Variants in PCDH15 observed in about 807,000 individuals in gnomAD.
PCDH15 encodes protocadherin related 15, also known as protocadherin-15.
A neutral mutation model predicts 178.5 loss-of-function variants in PCDH15; 129 were observed. That is an observed-to-expected ratio of 0.72 (90% confidence interval 0.63 to 0.84). PCDH15 has a LOEUF of 0.84. Among genes scored for constraint, PCDH15 ranks in the 40% least tolerant of loss-of-function variants. The probability of loss-of-function intolerance (pLI) is 0.00; values close to 1 mark genes in which losing one functional copy is unlikely to be tolerated. For synonymous variants in PCDH15, 800 were observed against 732.0 expected, an observed-to-expected ratio of 1.09 and a Z score of -1.50; for missense variants, 2,230 against 2,099.9, an observed-to-expected ratio of 1.06 and a Z score of -1.21.
intron 1 of PCDH15, among the ~76,000 whole-genome samples, chr10:54,771,176 A>C (rs889473650): frequency 6.6e-6 from 1 of 152,070 alleles, no homozygotes; most frequent in African/African-American, 2.4e-5. Flanking sequence ...CTGCCAAAAT[A>C]CTGCTTTAAT....
At chr10:54,440,404 T>C (rs1220067468) in intron 3 of PCDH15, among the ~76,000 whole-genome samples, 1 of 151,970 alleles carries the variant, frequency 6.6e-6, no homozygotes, top group East Asian at 1.9e-4. Flanking sequence ...GCCAAGTAAA[T>C]GAAATGACAT....
intron 2 of PCDH15, among the ~76,000 whole-genome samples, chr10:55,350,262 TATATATACACACAC>T (rs1322211819): frequency 1.8e-4 from 12 of 66,274 alleles, no homozygotes; most frequent in African/African-American, 9.7e-4. Context: ...TATATATATA[TATATATACACACAC>T]ACACACACAC....
intron 2 of PCDH15, among the ~76,000 whole-genome samples, chr10:55,369,317 C>CT (rs955700615): frequency 3.9e-5 from 6 of 152,064 alleles, no homozygotes; most frequent in African/African-American, 1.4e-4. Flanking sequence ...AAGCACCTGG[C>CT]TCTCTAACTC....
intron 2 of PCDH15, among the ~76,000 whole-genome samples, chr10:54,603,475 T>C (rs2092625715): frequency 6.6e-6 from 1 of 151,876 alleles, no homozygotes; most frequent in Admixed American, 6.6e-5. Flanking sequence ...TTTTAGGTTG[T>C]TTATTTGAGA....
At chr10:55,468,866 T>C (rs1339796462) in intron 2 of PCDH15, among the ~76,000 whole-genome samples, 1 of 152,156 alleles carries the variant, frequency 6.6e-6, no homozygotes, top group Non-Finnish European at 1.5e-5. Context: ...ATAATACTTA[T>C]CTCTTATTTT....
chr10:54,023,769 A>T (rs763535872), intron 18 of PCDH15, among the ~76,000 whole-genome samples: 2 of 151,606 alleles, frequency 1.3e-5, no homozygotes, highest in African/African-American at 2.4e-5. Flanking sequence ...AATCCTCATG[A>T]TGTTGTTATG....
intron 21 of PCDH15, among the ~76,000 whole-genome samples, chr10:53,988,010 C>T (rs16937849): frequency 0.32 from 49,235 of 152,050 alleles, 9,869 homozygotes; most frequent in East Asian, 0.62. Flanking sequence ...TGAACCTCAA[C>T]TCAGGTAACT....
rs189262241 is a variant in PCDH15 at position 54,341,390 on chromosome 10, T to C, written c.594+4975A>G. On this transcript the variant is annotated intron_variant, in intron 6 of 37. Coordinates refer to ENST00000644397, the MANE Select transcript of PCDH15 (RefSeq NM_001384140.1). The stretch of plus-strand genomic sequence containing the variant: ...TTTGCTCTTTCTGCCTCCTGCTGCA[T>C]GTAAGATACACCATGCTTCTCCTTC... 2.0e-5 allele frequency among the ~76,000 whole-genome samples: 3 copies of C among 152,304 alleles called. No homozygotes were observed. The East Asian group carries it at 5.8e-4, about 29-fold the overall frequency.
chr10:55,501,255 A>C (rs2132139476), intron 2 of PCDH15, among the ~76,000 whole-genome samples: 1 of 151,856 alleles, frequency 6.6e-6, no homozygotes, highest in Non-Finnish European at 1.5e-5. Flanking sequence ...AAGGCTTTAA[A>C]GGGAGTGTAG....
chr10:54,819,221 A>G (rs576293359), intron 3 of PCDH15, among the ~76,000 whole-genome samples: 10 of 152,182 alleles, frequency 6.6e-5, no homozygotes, highest in Middle Eastern at 6.8e-3. Flanking sequence ...CATTTTAAAC[A>G]TTCATGGTAA....
chr10:54,607,825 G>A (rs1482665446), intron 2 of PCDH15: 1 of 524,398 alleles, frequency 1.9e-6, no homozygotes, highest in East Asian at 5.9e-5. Flanking sequence ...TGGTAAGGAA[G>A]AGATATGATG....
chr10:54,433,303 T>G (rs929393123), intron 3 of PCDH15, among the ~76,000 whole-genome samples: 9 of 152,160 alleles, frequency 5.9e-5, no homozygotes, highest in African/African-American at 1.9e-4. Flanking sequence ...AAAGCCAAGA[T>G]TTGGAGGCAA....
chr10:53,993,812 A>G (rs540774813), intron 21 of PCDH15, among the ~76,000 whole-genome samples: 1 of 152,320 alleles, frequency 6.6e-6, no homozygotes, highest in Non-Finnish European at 1.5e-5. Context: ...GATCATAGCT[A>G]TATCAAAAGA....
intron 2 of PCDH15, among the ~76,000 whole-genome samples, chr10:55,609,050 A>G (rs2132157427): frequency 6.6e-6 from 1 of 151,870 alleles, no homozygotes; most frequent in South Asian, 2.1e-4. Context: ...ACACACGCAC[A>G]CACATATACA....
chr10:55,184,542 A>C (rs1475433512), intron 1 of PCDH15, among the ~76,000 whole-genome samples: 1 of 152,010 alleles, frequency 6.6e-6, no homozygotes, highest in East Asian at 1.9e-4. Context: ...CTTGTACACA[A>C]TGTCTGTTGA....
At chr10:54,649,619 CATG>C (rs1417511695) in intron 2 of PCDH15, among the ~76,000 whole-genome samples, 5 of 152,044 alleles carry the variant, frequency 3.3e-5, no homozygotes, top group African/African-American at 9.6e-5. Flanking sequence ...AGTGATAACC[CATG>C]ATGTGATAAA....
chr10:54,629,314 A>T (rs1041246397), intron 2 of PCDH15, among the ~76,000 whole-genome samples: 1 of 152,158 alleles, frequency 6.6e-6, no homozygotes, highest in Non-Finnish European at 1.5e-5. Flanking sequence ...GAAAGGAAGA[A>T]ATGTAATAAC....
Position 54,380,655 on chromosome 10 carries a change from A to G in PCDH15, c.158-1713T>C, listed in dbSNP as rs868112458. ...TGTGTGTATGCATGTATATATATAT[A>G]TATATATATATATATGCTCCATATA... On this transcript the variant is annotated intron_variant, in intron 3 of 37. Coordinates refer to ENST00000644397, the MANE Select transcript of PCDH15 (RefSeq NM_001384140.1). Among the ~76,000 whole-genome samples the G allele has an allele frequency of 1.7e-4, 14 of 80,972 alleles. 1 individual carries two copies. The highest frequency in any genetic ancestry group is 6.2e-4 in the African/African-American group (13 of 21,122). The allele number at this position is 80,972 out of a possible 152,430, so 53.1% of individuals were successfully genotyped here.
intron 2 of PCDH15, among the ~76,000 whole-genome samples, chr10:55,501,191 G>A (rs2132139385): frequency 6.6e-6 from 1 of 151,716 alleles, no homozygotes; most frequent in South Asian, 2.1e-4. Context: ...CTGCAAGCCA[G>A]GGAACACTCC....
Sources: allele counts gnomAD v4.1 joint callset (sites outside exome capture counted in the v4.1 genomes callset), GRCh38; gene constraint gnomAD v4.1.1; transcripts MANE v1.5; gene names NCBI Gene and HGNC (gene_info 2026-07-23, HGNC 2026-07-21).